SYNE2: variants seen among roughly 807,000 people sequenced by gnomAD.
SYNE2 encodes the protein spectrin repeat containing nuclear envelope protein 2.
Under a neutral mutation model 856.3 loss-of-function variants are expected in SYNE2, and 431 were observed. The ratio of observed to expected loss-of-function variants is 0.50; its 90% CI spans 0.47 to 0.55. The LOEUF (loss-of-function observed/expected upper bound fraction) is 0.55. Ranked by LOEUF, SYNE2 falls within the 20% of genes least tolerant of loss-of-function variation. SYNE2 has a pLI of 0.00. For missense variants in SYNE2, 8,129 were observed against 8,023.2 expected (o/e 1.01, Z -0.50); for synonymous variants, 2,923 against 2,872.3 (o/e 1.02, Z -0.56).
intron 53 of SYNE2, chr14:64,075,586 C>A: frequency 4.1e-6 from 1 of 242,828 alleles, no homozygotes; most frequent in Non-Finnish European, 8.0e-6. Context: ...CAACAAAAAA[C>A]TTCTTTGAAA....
rs1272823728 is a variant in SYNE2, at chr14:64,219,425, T to TG, written c.19860+17dup. ...AGAGACTGCAGGTGAGTTAGAGGTG[T>TG]GGTGGGGAAGAGGGATTCAGAATGT... On this transcript the variant is annotated intron_variant, in intron 110 of 115. Coordinates refer to ENST00000555002, the MANE Select transcript of SYNE2 (RefSeq NM_182914.3). 1 of 1,612,974 alleles carries TG rather than the reference T, an allele frequency of 6.2e-7. No homozygotes were observed. The highest frequency in any genetic ancestry group is 8.5e-7 in the Non-Finnish European group (1 of 1,179,224).
In SYNE2 at chr14:64,084,801, T is replaced by C. The variant is rs1051686514; in HGVS notation, c.11485-2870T>C. 1.2e-5 allele frequency: 7 copies of C among 588,650 alleles called. No individual in the cohort carries two copies. In the African/African-American group the frequency reaches 1.3e-4, roughly 11 times the overall value. The allele number at this position is 588,650 out of a possible 1,614,324, so 36.5% of individuals were successfully genotyped here. ...CAGGAGTCCATGGGCATGGCTTAGC[T>C]AAGTATCTCTGGCTCAAGGTCTCTC... is the stretch of plus-strand genomic sequence containing the variant. On this transcript the variant is annotated intron_variant, in intron 57 of 115. Transcript: ENST00000555002.
chr14:64,138,995 AT>A (rs1337767716), intron 79 of SYNE2, among the ~76,000 whole-genome samples: 1 of 137,678 alleles, frequency 7.3e-6, no homozygotes, highest in African/African-American at 2.7e-5. Flanking sequence ...AATTTTATTT[AT>A]TTTTTGAGAC....
intron 8 of SYNE2, among the ~76,000 whole-genome samples, chr14:63,959,287 C>CTTTTTTTTTTTTTTTTTT (rs34198434): frequency 4.9e-4 from 40 of 81,370 alleles, no homozygotes; most frequent in East Asian, 7.2e-4. Flanking sequence ...TTTTCTTCTT[C>CTTTTTTTTTTTTTTTTTT]TTTTTTTTTT....
intron 1 of SYNE2, among the ~76,000 whole-genome samples, chr14:63,837,436 T>C (rs1210379121): frequency 6.6e-6 from 1 of 152,096 alleles, no homozygotes; most frequent in Admixed American, 6.6e-5. Flanking sequence ...AAGAAAAAAA[T>C]AGATAAATTG....
chr14:64,142,170 T>TAGG, intron 82 of SYNE2, 82 bp downstream of exon 82: 1 of 1,523,200 alleles, frequency 6.6e-7, no homozygotes, highest in Non-Finnish European at 9.0e-7. Context: ...AAGGGACACA[T>TAGG]AGGATATAAT....
At chr14:63,992,468 A>G (rs1049083641) in intron 21 of SYNE2, among the ~76,000 whole-genome samples, 3 of 151,856 alleles carry the variant, frequency 2.0e-5, no homozygotes, top group African/African-American at 7.3e-5. Flanking sequence ...TTTATAGAGA[A>G]AGGGTCTCAC....
chr14:64,013,697 T>G (rs1443918456), intron 32 of SYNE2, among the ~76,000 whole-genome samples: 1 of 152,206 alleles, frequency 6.6e-6, no homozygotes, highest in Non-Finnish European at 1.5e-5. Flanking sequence ...ACCTGGGTTT[T>G]GATCTCAGCT....
intron 96 of SYNE2, among the ~76,000 whole-genome samples, chr14:64,180,363 TCTGA>T (rs1443256985): frequency 6.6e-6 from 1 of 151,282 alleles, no homozygotes; most frequent in African/African-American, 2.5e-5. Context: ...CATGAAAAGT[TCTGA>T]TAAGAGTTTT....
chr14:63,824,110 AG>A (rs1889327909), intron 1 of SYNE2, among the ~76,000 whole-genome samples: 1 of 152,218 alleles, frequency 6.6e-6, no homozygotes, highest in East Asian at 1.9e-4. Context: ...AGGCCAAGGC[AG>A]GCAGATCACT....
intron 11 of SYNE2, among the ~76,000 whole-genome samples, chr14:63,974,892 G>GATATATATA (rs2096527047): frequency 1.5e-5 from 1 of 67,322 alleles, no homozygotes; most frequent in Non-Finnish European, 3.1e-5. Flanking sequence ...GTGTGTGTGT[G>GATATATATA]TATATATATA....
chr14:64,168,534 A>G (rs2098394495), intron 92 of SYNE2, among the ~76,000 whole-genome samples: 1 of 152,186 alleles, frequency 6.6e-6, no homozygotes. Flanking sequence ...GAACCTCTTT[A>G]TACCTTAGAT....
intron 6 of SYNE2, among the ~76,000 whole-genome samples, chr14:63,943,671 TA>T (rs200934560): frequency 1.8e-4 from 26 of 148,374 alleles, no homozygotes; most frequent in East Asian, 2.1e-4. Flanking sequence ...TATTACTTAT[TA>T]TTATTATTTT....
chr14:63,769,438 C>T (rs150839664), intron 1 of SYNE2, among the ~76,000 whole-genome samples: 1,633 of 152,164 alleles, frequency 0.011, 25 homozygotes, highest in African/African-American at 0.037. Flanking sequence ...GAGGCCGAGA[C>T]AGGCAGATCA....
At chr14:64,063,388 A>G (rs1489797948) in intron 50 of SYNE2, among the ~76,000 whole-genome samples, 1 of 152,212 alleles carries the variant, frequency 6.6e-6, no homozygotes, top group Non-Finnish European at 1.5e-5. Context: ...GAAGGAAGGA[A>G]ATGAAGCAGT....
chr14:63,794,415 C>T (rs939542311), intron 1 of SYNE2, among the ~76,000 whole-genome samples: 1 of 152,058 alleles, frequency 6.6e-6, no homozygotes, highest in African/African-American at 2.4e-5. Context: ...GTCTCAAACT[C>T]CTGGCCTCAA....
At chr14:63,998,892 T>C (rs780609596) in intron 26 of SYNE2, 22 bp from the exon 27 acceptor site, 6 of 1,613,454 alleles carry the variant, frequency 3.7e-6, no homozygotes, top group African/African-American at 1.3e-5. Context: ...ACTATTGTGA[T>C]GTTGCATTTC....
chr14:64,141,664 T>C, intron 81 of SYNE2, 141 bp downstream of exon 81: 2 of 963,428 alleles, frequency 2.1e-6, no homozygotes, highest in Non-Finnish European at 1.5e-6. Flanking sequence ...TCTTAATTAC[T>C]GGACCCTCCT....
At chr14:64,100,526 AAAAAAATATATATATATATAT>A (rs1320719960) in intron 63 of SYNE2, among the ~76,000 whole-genome samples, 1 of 76,330 alleles carries the variant, frequency 1.3e-5, no homozygotes, top group African/African-American at 7.0e-5. Flanking sequence ...AAAAAAAAAA[AAAAAAATATATATATATATAT>A]ATATATATAT....
Sources: gnomAD v4.1 joint callset for allele counts (sites outside exome capture counted in the v4.1 genomes callset) on GRCh38, gnomAD v4.1.1 for gene constraint, MANE v1.5 for transcripts, NCBI Gene and HGNC (gene_info 2026-07-23, HGNC 2026-07-21) for gene names.